The following SPG11 variants were observed in gnomAD, a reference collection of about 807,000 sequenced individuals.
SPG11 encodes the protein spatacsin.
SPG11 carries 222 observed loss-of-function variants against 274.0 expected under a neutral mutation model. The ratio of observed to expected loss-of-function variants is 0.81; its 90% CI spans 0.73 to 0.91. The LOEUF (loss-of-function observed/expected upper bound fraction) is 0.91. Ranked by LOEUF, SPG11 falls within the 40% of genes least tolerant of loss-of-function variation. The pLI, the probability that SPG11 is intolerant of heterozygous loss-of-function variation, is 0.00. For missense variants in SPG11, 3,114 were observed against 2,872.7 expected, an observed-to-expected ratio of 1.08 and a Z score of -1.92; for synonymous variants, 1,144 against 1,039.7, an observed-to-expected ratio of 1.10 and a Z score of -1.93.
rs149003934 is a variant in SPG11 at position 44,573,595 on chromosome 15, C to A, written c.6157G>T (p.Val2053Leu). The change falls in exon 32 of 40, where the codon GTG becomes TTG. Residue 2053 changes from valine to leucine, a missense_variant. Val to Leu is a conservative substitution (Grantham distance 32, BLOSUM62 1). Coordinates refer to ENST00000261866, the MANE Select transcript of SPG11 (RefSeq NM_025137.4). ...GLKPDTVAELVAEEVTRELLT... is the reference protein window; with the variant it reads ...GLKPDTVAELLAEEVTRELLT... ...AGCTCCCGTGTCACCTCTTCTGCCA[C>A]GAGTTCAGCCACAGTATCTGGCTTA... 6.2e-7 allele frequency: 1 copy of A among 1,614,062 alleles called. No homozygotes were observed. Among genetic ancestry groups the A allele is most frequent in the Non-Finnish European group, 8.5e-7 (1 of 1,180,044 alleles).
intron 7 of SPG11, among the ~76,000 whole-genome samples, chr15:44,638,502 C>CCG (rs1386125272): frequency 4.8e-5 from 3 of 62,434 alleles, no homozygotes; most frequent in African/African-American, 1.1e-4. Flanking sequence ...ACCACAAAAC[C>CCG]CCCCCCCCCA....
In SPG11 at chr15:44,633,542, A is replaced by T. The variant is rs79708848; in HGVS notation, c.1698T>A (p.Asp566Glu). 1.2e-6 allele frequency: 2 copies of T among 1,609,606 alleles called. No individual in the cohort carries two copies. Among genetic ancestry groups the T allele is most frequent in the Non-Finnish European group, 1.7e-6 (2 of 1,176,262 alleles). Residue 566 changes from aspartate (D) to glutamate (E), a missense_variant, in exon 8 of 40, where the codon GAT becomes GAA. Physicochemically the swap from Asp to Glu is conservative, Grantham distance 45. Transcript: ENST00000261866. ...AATGGGATGACAAGTGATCAAACTGATCAGATACAGAAGATTTTGAGGATG... is the reference window on the plus strand; with the variant it reads ...AATGGGATGACAAGTGATCAAACTGTTCAGATACAGAAGATTTTGAGGATG... The part of the protein sequence containing the change: ...FNPSSKSSVS[D>E]QFDHLSSHLY...
intron 30 of SPG11, among the ~76,000 whole-genome samples, chr15:44,577,544 A>T (rs1484578687): frequency 2.0e-5 from 3 of 151,802 alleles, no homozygotes; most frequent in East Asian, 3.9e-4. Context: ...TTAAAGATAA[A>T]AAAATAAAAT....
intron 12 of SPG11, 66 bp from the exon 13 acceptor site, chr15:44,622,413 T>C: frequency 7.6e-7 from 1 of 1,310,418 alleles, no homozygotes; most frequent in Non-Finnish European, 1.1e-6. Flanking sequence ...AAAAATGTCA[T>C]GAGATTATCA....
At position 44,578,026 on chromosome 15, in the gene SPG11, T is replaced by C. The variant is rs1268171194; in HGVS notation, c.5867-2985A>G. Among the ~76,000 whole-genome samples, 604 of 143,124 alleles carry C rather than the reference T, an allele frequency of 4.2e-3. 4 individuals are homozygous for C. The highest frequency in any genetic ancestry group is 0.015 in the African/African-American group (574 of 38,666). The allele number at this position is 143,124 out of a possible 152,430, so 93.9% of individuals were successfully genotyped here. ...AAAGGGGAGCCTTCTTTCCTTTTTT[T>C]TTTTTTTTTTTTTTTTGAGACGGAG... On this transcript the variant is annotated intron_variant, in intron 30 of 39. Coordinates refer to ENST00000261866, the MANE Select transcript of SPG11 (RefSeq NM_025137.4).
In SPG11 at chr15:44,589,270, C is replaced by A. The variant is rs368276916; in HGVS notation, c.4888G>T (p.Glu1630Ter). 3.7e-6 allele frequency: 6 copies of A among 1,613,886 alleles called. No homozygotes were observed. The highest frequency in any genetic ancestry group is 5.1e-6 in the Non-Finnish European group (6 of 1,179,984). ...GKLLQLFVEREHLFSDGPDVK... is the reference protein window; with the variant it reads ...GKLLQLFVER Reference sequence around the variant, plus strand: ...GTCTTACCATCAGAGAAGAGATGCTCTCTTTCAACAAAGAGCTGTAAAAGC... The same window carrying A: ...GTCTTACCATCAGAGAAGAGATGCTATCTTTCAACAAAGAGCTGTAAAAGC... The change falls in exon 28 of 40, where the codon GAG becomes TAG. Residue 1630 changes from glutamate (E) to a stop codon, truncating the protein, a stop_gained. Transcript: ENST00000261866. LOFTEE classifies it high-confidence loss of function.
chr15:44,661,799 A>C (rs1367695903), intron 1 of SPG11, among the ~76,000 whole-genome samples: 2 of 152,228 alleles, frequency 1.3e-5, no homozygotes, highest in South Asian at 2.1e-4. Flanking sequence ...TATATGATGT[A>C]ATTTCAACAA....
chr15:44,564,757 C>G, intron 38 of SPG11, 59 bp from the exon 39 acceptor site: 1 of 1,583,108 alleles, frequency 6.3e-7, no homozygotes, highest in Non-Finnish European at 8.7e-7. Context: ...AAATCAAAAA[C>G]AAACTGTTGT....
Position 44,567,580 on chromosome 15 carries a change from T to G in SPG11, c.6598A>C (p.Lys2200Gln), listed in dbSNP as rs141263564. Residue 2200 changes from lysine to glutamine, a missense_variant, in exon 36 of 40, where the codon AAA (lysine) becomes CAA (glutamine). By Grantham distance (53) the Lys-to-Gln change is moderately conservative. Transcript: ENST00000261866. ...RKKLDPSGTL[K>Q]TALLDYIKRC... Reference sequence around the variant, plus strand: ...TTGATGTAGTCCAGCAGGGCTGTTTTCAGGGTACCACTCTGCCCAGAATAA... The same window carrying G: ...TTGATGTAGTCCAGCAGGGCTGTTTGCAGGGTACCACTCTGCCCAGAATAA... The G allele has an allele frequency of 3.1e-6, 5 of 1,613,934 alleles. No homozygotes were observed. In the Admixed American group the frequency reaches 6.7e-5, roughly 22 times the overall value.
chr15:44,630,240 C>T (rs995745326), intron 8 of SPG11, among the ~76,000 whole-genome samples: 2 of 152,170 alleles, frequency 1.3e-5, no homozygotes, highest in East Asian at 1.9e-4. Context: ...CCCGCTGCCC[C>T]CCGTGGATTA....
rs995763163 is a variant in SPG11 at position 44,639,006 on chromosome 15, A to G, written c.1603-5369T>C. Among the ~76,000 whole-genome samples the G allele has an allele frequency of 4.0e-5, 6 of 150,722 alleles. No individual in the cohort carries two copies. The East Asian group carries it at 1.2e-3, about 30-fold the overall frequency. On this transcript the variant is annotated intron_variant, in intron 7 of 39. Coordinates refer to ENST00000261866, the MANE Select transcript of SPG11 (RefSeq NM_025137.4). ...GTGAGACTGTCTCCAAAAAAAAAATAATAATAATAGTAACTATTATTATTT... is the reference window on the plus strand; with the variant it reads ...GTGAGACTGTCTCCAAAAAAAAAATGATAATAATAGTAACTATTATTATTT...
intron 17 of SPG11, among the ~76,000 whole-genome samples, chr15:44,613,149 A>G (rs2083502393): frequency 6.6e-6 from 1 of 152,232 alleles, no homozygotes; most frequent in Non-Finnish European, 1.5e-5. Context: ...TCAGCCTGTG[A>G]CAAACTGGTG....
chr15:44,573,713 A>G lies in SPG11; in HGVS notation c.6039T>C (p.Ala2013=). 1 of 1,614,210 alleles carries G rather than the reference A, an allele frequency of 6.2e-7. No individual in the cohort carries two copies. The change falls in exon 32 of 40, where the codon GCT becomes GCC. Residue 2013 remains alanine (A), a synonymous_variant. Transcript: ENST00000261866. ...TCCGGAGCATGGCTTCACCATCCTG[A>G]GCAGCAACATCTGTGTAGGAACAGC... The part of the protein sequence containing the change: ...ELGCSYTDVA[A]QDGEAMLRKI...
At position 44,626,495 on chromosome 15, in the gene SPG11, T is replaced by C; in HGVS notation, c.2080A>G (p.Ser694Gly). 6.2e-7 allele frequency: 1 copy of C among 1,613,832 alleles called. No individual in the cohort carries two copies. Among genetic ancestry groups the C allele is most frequent in the South Asian group, 1.1e-5 (1 of 90,994 alleles). The change falls in exon 11 of 40, where the codon AGC (serine) becomes GGC (glycine). Residue 694 changes from serine (S) to glycine (G), a missense_variant. Ser to Gly is a moderately conservative substitution (Grantham distance 56). Transcript: ENST00000261866. ...GGTATTTTGTTGTTTAAAATGGCGC[T>C]GGCAATAACTTCCTAGGAAAAGAAA... ...KKLSFEEVIA[S>G]AILNNKIPEA...
At chr15:44,589,967 T>C (rs1595851811) in intron 27 of SPG11, among the ~76,000 whole-genome samples, 1 of 152,262 alleles carries the variant, frequency 6.6e-6, no homozygotes, top group African/African-American at 2.4e-5. Context: ...CCACCACGCC[T>C]GGCTAATTTT....
intron 2 of SPG11, among the ~76,000 whole-genome samples, chr15:44,660,181 TAATTA>T (rs2085062443): frequency 1.3e-5 from 2 of 152,196 alleles, no homozygotes; most frequent in Admixed American, 1.3e-4. Flanking sequence ...TTTTGAAATG[TAATTA>T]AATACAAAAA....
chr15:44,567,831 G>T (rs1001338086), intron 35 of SPG11, among the ~76,000 whole-genome samples: 1 of 152,130 alleles, frequency 6.6e-6, no homozygotes. Flanking sequence ...AAATACACCC[G>T]CATAAGCTGA....
intron 27 of SPG11, among the ~76,000 whole-genome samples, chr15:44,591,208 T>G (rs1477356448): frequency 6.6e-6 from 1 of 152,216 alleles, no homozygotes; most frequent in Non-Finnish European, 1.5e-5. Context: ...GGAATTATTA[T>G]GAGAAAGAAC....
rs1359480155 is a variant in SPG11, at chr15:44,584,108, T to G, written c.5572A>C (p.Asn1858His). 2.5e-6 allele frequency: 4 copies of G among 1,614,236 alleles called. No homozygotes were observed. Among genetic ancestry groups the G allele is most frequent in the Non-Finnish European group, 3.4e-6 (4 of 1,180,040 alleles). ...ALNTSKYLEL[N>H]SLPSKETCEN... ...CATGTCTCTTTGGATGGAAGGCTGT[T>G]AAGTTCTAAGTATTTTGATGTGTTC... Residue 1858 changes from asparagine to histidine, a missense_variant, in exon 30 of 40, where the codon AAC becomes CAC. By Grantham distance (68) the Asn-to-His change is moderately conservative (BLOSUM62 1). Transcript: ENST00000261866.
Sources: gnomAD v4.1 joint callset for allele counts (sites outside exome capture counted in the v4.1 genomes callset) on GRCh38, gnomAD v4.1.1 for gene constraint, MANE v1.5 for transcripts, NCBI Gene and HGNC (gene_info 2026-07-23, HGNC 2026-07-21) for gene names.